The following FAM83G variants were observed in gnomAD, a reference collection of about 807,000 sequenced individuals.
The protein encoded by FAM83G is protein FAM83G.
A neutral mutation model predicts 61.5 loss-of-function variants in FAM83G; 38 were observed. The ratio of observed to expected loss-of-function variants is 0.62; its 90% CI spans 0.48 to 0.81. The LOEUF is 0.81. FAM83G is among the 30% of genes least tolerant of loss of function. The pLI, the probability that FAM83G is intolerant of heterozygous loss-of-function variation, is 0.00. For synonymous variants in FAM83G, 470 were observed against 476.1 expected, an observed-to-expected ratio of 0.99 and a Z score of 0.17; for missense variants, 989 against 1,133.6, an observed-to-expected ratio of 0.87 and a Z score of 1.83.
At position 18,980,734 on chromosome 17, in the gene FAM83G, G is replaced by C. The variant is rs1416182593; in HGVS notation, c.691-1061C>G. On this transcript the variant is annotated intron_variant, in intron 3 of 5. Coordinates refer to ENST00000388995, the MANE Select transcript of FAM83G (RefSeq NM_001039999.3). ...GGATGGCCAAGGGCATCCCGAAGTA[G>C]AATCACAGGTGTAAAGGGGACCTGG... is the stretch of plus-strand genomic sequence containing the variant. Among the ~76,000 whole-genome samples the C allele has an allele frequency of 7.2e-5, 11 of 152,148 alleles. No individual in the cohort carries two copies. The East Asian group carries it at 2.1e-3, about 29-fold the overall frequency.
At chr17:18,991,784 A>C (rs1224083953) in intron 2 of FAM83G, among the ~76,000 whole-genome samples, 1 of 152,198 alleles carries the variant, frequency 6.6e-6, no homozygotes, top group African/African-American at 2.4e-5. Flanking sequence ...TCCCAAGTGA[A>C]GGAGGGAGCC....
chr17:18,977,557 C>T lies in FAM83G; in HGVS notation c.2082+27G>A, dbSNP rs756438694. On this transcript the variant is annotated intron_variant, in intron 5 of 5. Coordinates refer to ENST00000388995, the MANE Select transcript of FAM83G (RefSeq NM_001039999.3). ...TGGCTGGCAGGGAGGGACTCGTGAC[C>T]CCTGGTGTGCAGGGACCCTGACCCA... 1.1e-5 allele frequency: 17 copies of T among 1,595,770 alleles called. No individual in the cohort carries two copies. In the East Asian group the frequency reaches 2.2e-4, roughly 21 times the overall value.
At position 19,004,071 on chromosome 17, in the gene FAM83G, G is replaced by C. The variant is rs1025889067; in HGVS notation, c.-30C>G. On this transcript the variant is annotated 5_prime_UTR_variant, in exon 2 of 6. Transcript: ENST00000388995. The surrounding 1 kb of genome is among the most constrained non-coding windows in gnomAD (Gnocchi z 5.4). Reference sequence around the variant, plus strand: ...CCGCCTGCCCGGGCACTGCTGCCGGGGGTGGGTGGGCAAGGTCCAGCTCCT... The same window carrying C: ...CCGCCTGCCCGGGCACTGCTGCCGGCGGTGGGTGGGCAAGGTCCAGCTCCT... 2 of 1,554,234 alleles carry C rather than the reference G, an allele frequency of 1.3e-6. No homozygotes were observed. The highest frequency in any genetic ancestry group is 1.4e-5 in the African/African-American group (1 of 73,278).
rs376887547 is a variant in FAM83G, at chr17:18,978,618, C to T, written c.1048G>A (p.Ala350Thr). 12 of 1,613,006 alleles carry T rather than the reference C, an allele frequency of 7.4e-6. No individual in the cohort carries two copies. The highest frequency in any genetic ancestry group is 2.7e-5 in the African/African-American group (2 of 74,866). The change falls in exon 5 of 6, where the codon GCA becomes ACA. Residue 350 changes from alanine (A) to threonine (T), a missense_variant. This residue lies in a region of FAM83G where 574 missense variants were observed against 645.1 expected (regional missense o/e 0.89). Transcript: ENST00000388995. ...TCGACGCTCTTGGCCTTGACAAGTGCGTACTTGGGGTTGACGAGCTTCTTG... is the reference window on the plus strand; with the variant it reads ...TCGACGCTCTTGGCCTTGACAAGTGTGTACTTGGGGTTGACGAGCTTCTTG... ...VAKKLVNPKY[A>T]LVKAKSVDEI...
chr17:18,987,913 T>C (rs921963013), intron 3 of FAM83G, among the ~76,000 whole-genome samples: 1 of 152,218 alleles, frequency 6.6e-6, no homozygotes, highest in Non-Finnish European at 1.5e-5. Flanking sequence ...GAGCACACTA[T>C]CACCAGAGGT....
At chr17:18,977,376 A>G in intron 5 of FAM83G, 1 of 604,434 alleles carries the variant, frequency 1.7e-6, no homozygotes, top group Non-Finnish European at 2.8e-6. Context: ...GGATGCTGGG[A>G]CCAAGAGTCC....
intron 2 of FAM83G, among the ~76,000 whole-genome samples, chr17:18,989,546 C>T (rs532483998): frequency 6.6e-6 from 1 of 152,378 alleles, no homozygotes; most frequent in East Asian, 1.9e-4. Context: ...CTGAGCAAAA[C>T]ACCTGGCTTC....
At chr17:18,990,789 G>A (rs1283772660) in intron 2 of FAM83G, among the ~76,000 whole-genome samples, 2 of 56,334 alleles carry the variant, frequency 3.6e-5, no homozygotes, top group Non-Finnish European at 6.8e-5. Context: ...GATGGGGAGG[G>A]GGAGCCTGGT....
At chr17:18,975,410 C>T (rs560787945) in intron 5 of FAM83G, among the ~76,000 whole-genome samples, 1 of 152,220 alleles carries the variant, frequency 6.6e-6, no homozygotes, top group Non-Finnish European at 1.5e-5. Flanking sequence ...ACGGAGGCAG[C>T]CGGATGCGGT....
At chr17:18,991,145 C>T (rs906542592) in intron 2 of FAM83G, among the ~76,000 whole-genome samples, 1 of 152,238 alleles carries the variant, frequency 6.6e-6, no homozygotes, top group African/African-American at 2.4e-5. Flanking sequence ...TTGCCTAATT[C>T]TGTTGGGAGG....
At chr17:18,999,885 C>T (rs116045068) in intron 2 of FAM83G, among the ~76,000 whole-genome samples, 246 of 152,354 alleles carry the variant, frequency 1.6e-3, no homozygotes, top group African/African-American at 5.6e-3. Context: ...TGTCCCTGCC[C>T]TGGGGCCTCA....
Position 19,003,729 on chromosome 17 carries a change from C to G in FAM83G, c.313G>C (p.Asp105His). ...GGCTCGGCCTCGATGGGGACCCCAT[C>G]CGCCCCGCTGGCTTCCTCGCCGTCG... ...VGDGEEASGA[D>H]GVPIEAEPLP... The change falls in exon 2 of 6, where the codon GAT becomes CAT. Residue 105 changes from aspartate (D) to histidine (H), a missense_variant. Coordinates refer to ENST00000388995, the MANE Select transcript of FAM83G (RefSeq NM_001039999.3). The surrounding 1 kb of genome is among the most constrained non-coding windows in gnomAD (Gnocchi z 4.5). The G allele has an allele frequency of 6.2e-7, 1 of 1,605,138 alleles. No individual in the cohort carries two copies. The highest frequency in any genetic ancestry group is 8.5e-7 in the Non-Finnish European group (1 of 1,175,742).
intron 4 of FAM83G, 75 bp from the exon 5 acceptor site, chr17:18,978,925 C>A: frequency 6.5e-7 from 1 of 1,537,492 alleles, no homozygotes; most frequent in African/African-American, 1.4e-5. Flanking sequence ...CACCCATAGC[C>A]GCTGGGCCTC....
chr17:18,998,830 C>T (rs1196961461), intron 2 of FAM83G, among the ~76,000 whole-genome samples: 4 of 152,216 alleles, frequency 2.6e-5, no homozygotes, highest in Non-Finnish European at 5.9e-5. Flanking sequence ...TGGCCTCTGG[C>T]AGTGTGGGGA....
intron 2 of FAM83G, 49 bp from the exon 3 acceptor site, chr17:18,988,463 G>T: frequency 1.3e-6 from 2 of 1,595,954 alleles, no homozygotes; most frequent in South Asian, 1.1e-5. Context: ...GCAGCAGTGG[G>T]GACAGGGTGC....
At chr17:18,994,375 G>A (rs139542457) in intron 2 of FAM83G, among the ~76,000 whole-genome samples, 118 of 152,300 alleles carry the variant, frequency 7.7e-4, no homozygotes, top group African/African-American at 2.6e-3. Flanking sequence ...CTGAGTTGAG[G>A]AGACAGGGTT....
At chr17:18,975,817 T>C (rs1459888617) in intron 5 of FAM83G, 2 of 152,170 alleles carry the variant, frequency 1.3e-5, no homozygotes, top group Non-Finnish European at 2.9e-5. Context: ...TTTGTGAACG[T>C]ACTAAAAACC....
chr17:18,978,031 C>G lies in FAM83G; in HGVS notation c.1635G>C (p.Arg545Ser). 6.5e-7 allele frequency: 1 copy of G among 1,537,640 alleles called. No individual in the cohort carries two copies. The highest frequency in any genetic ancestry group is 1.3e-5 in the South Asian group (1 of 78,678). The change falls in exon 5 of 6, where the codon AGG becomes AGC. Residue 545 changes from arginine to serine, a missense_variant. Physicochemically the swap from Arg to Ser is moderately radical, Grantham distance 110 (BLOSUM62 -1). Around this residue, in one of 3 missense-constraint regions of FAM83G, gnomAD observed 574 missense variants for 645.1 expected, o/e 0.89. Transcript: ENST00000388995. ...GTGGGGCGTGGCCTGGGCCTGCCAT[C>G]CTGGGTAGCCTATGGTCTGTCCCAT... ...PQNGTDHRLP[R>S]MAGPGHAPLQ...
At position 19,004,092 on chromosome 17, in the gene FAM83G, C is replaced by A; in HGVS notation, c.-51G>T. On this transcript the variant is annotated 5_prime_UTR_variant, in exon 2 of 6. Transcript: ENST00000388995. The surrounding 1 kb of genome is among the most constrained non-coding windows in gnomAD (Gnocchi z 5.4). Reference sequence around the variant, plus strand: ...CCGGGGGTGGGTGGGCAAGGTCCAGCTCCTAGCTCCGGCCCAGCTGGGGCA... The same window carrying A: ...CCGGGGGTGGGTGGGCAAGGTCCAGATCCTAGCTCCGGCCCAGCTGGGGCA... 6.6e-7 allele frequency: 1 copy of A among 1,521,852 alleles called. No individual in the cohort carries two copies. Among genetic ancestry groups the A allele is most frequent in the Non-Finnish European group, 8.8e-7 (1 of 1,135,660 alleles). 94.3% of individuals were successfully genotyped at this position (1,521,852 alleles called of 1,614,324 possible).
Sources: allele counts gnomAD v4.1 joint callset (sites outside exome capture counted in the v4.1 genomes callset), GRCh38; gene constraint gnomAD v4.1.1; regional missense constraint gnomAD v4.1.1; non-coding constraint Gnocchi (gnomAD v3.1); transcripts MANE v1.5; gene names NCBI Gene and HGNC (gene_info 2026-07-23, HGNC 2026-07-21).